COL27A1: variants seen among roughly 807,000 people sequenced by gnomAD.
COL27A1 encodes collagen alpha-1(XXVII) chain.
Under a neutral mutation model 251.3 loss-of-function variants are expected in COL27A1, and 106 were observed. The observed-to-expected ratio is 0.42, with a 90% CI of 0.36 to 0.50. The LOEUF (loss-of-function observed/expected upper bound fraction) is 0.50, where lower values mean the gene tolerates loss of function less well. Ranked by LOEUF, COL27A1 falls within the 20% of genes least tolerant of loss-of-function variation. The pLI is 0.00. For missense variants in COL27A1, 2,325 were observed against 2,522.8 expected (o/e 0.92, Z 1.68); for synonymous variants, 1,000 against 986.3 (o/e 1.01, Z -0.26).
chr9:114,163,626 C>T lies in COL27A1; in HGVS notation c.133+841C>T, dbSNP rs547105408. ...CCTCTGAAAATAGCTGCCCTTCCCC[C>T]GCCTTCACGCCCAGCCCGTGTGCTG... is the stretch of plus-strand genomic sequence containing the variant. On this transcript the variant is annotated intron_variant, in intron 2 of 60. Coordinates refer to ENST00000356083, the MANE Select transcript of COL27A1 (RefSeq NM_032888.4). Among the ~76,000 whole-genome samples the T allele has an allele frequency of 1.2e-3, 190 of 152,336 alleles. 1 individual carries two copies. The highest frequency in any genetic ancestry group is 0.01 in the Middle Eastern group (3 of 294).
chr9:114,163,945 A>G (rs1446397537), intron 2 of COL27A1, among the ~76,000 whole-genome samples: 2 of 151,868 alleles, frequency 1.3e-5, no homozygotes, highest in African/African-American at 4.8e-5. Flanking sequence ...GGCTCCTTCT[A>G]TCTTGGCGTT....
At chr9:114,175,420 GA>G (rs1277114268) in intron 3 of COL27A1, among the ~76,000 whole-genome samples, 1 of 152,260 alleles carries the variant, frequency 6.6e-6, no homozygotes, top group African/African-American at 2.4e-5. Context: ...GATCAGGGGA[GA>G]GGGGCCAGGG....
chr9:114,212,866 T>G (rs1432146664), intron 12 of COL27A1, among the ~76,000 whole-genome samples: 1 of 152,242 alleles, frequency 6.6e-6, no homozygotes, highest in African/African-American at 2.4e-5. Flanking sequence ...TCACCTTTGC[T>G]GGGTCTGGTT....
intron 3 of COL27A1, among the ~76,000 whole-genome samples, chr9:114,178,023 A>C (rs1693992602): frequency 6.6e-6 from 1 of 152,212 alleles, no homozygotes; most frequent in African/African-American, 2.4e-5. Flanking sequence ...GACTTTGTCC[A>C]ACTTGGGGAA....
chr9:114,232,795 G>A (rs913776615), intron 16 of COL27A1, among the ~76,000 whole-genome samples: 4 of 152,176 alleles, frequency 2.6e-5, no homozygotes, highest in African/African-American at 4.8e-5. Context: ...TGCTTGGGCC[G>A]GGCACAGTGG....
At chr9:114,301,051 G>A (rs1334318884) in intron 51 of COL27A1, 21 bp from the exon 52 acceptor site, 4 of 1,591,192 alleles carry the variant, frequency 2.5e-6, no homozygotes, top group East Asian at 2.2e-5. Flanking sequence ...AAGGACACAT[G>A]AGCCTTTCTG....
intron 55 of COL27A1, 92 bp from the exon 56 acceptor site, chr9:114,301,990 A>T: frequency 6.2e-6 from 8 of 1,288,978 alleles, no homozygotes; most frequent in Non-Finnish European, 9.0e-6. Context: ...CAGGTCCTGC[A>T]TGCTTTGATG....
rs181635219 is a variant in COL27A1, at chr9:114,292,130, G to T, written c.4504G>T (p.Gly1502Cys). 6.4e-7 allele frequency: 1 copy of T among 1,559,704 alleles called. No individual in the cohort carries two copies. The highest frequency in any genetic ancestry group is 2.4e-5 in the East Asian group (1 of 41,578). The change falls in exon 49 of 61, where the codon GGT (glycine) becomes TGT (cysteine). Residue 1502 changes from glycine to cysteine, a missense_variant. Physicochemically the swap from Gly to Cys is radical, Grantham distance 159. Around this residue, in one of 4 missense-constraint regions of COL27A1, gnomAD observed 153 missense variants for 140.7 expected, o/e 1.09. Coordinates refer to ENST00000356083, the MANE Select transcript of COL27A1 (RefSeq NM_032888.4). ...TGAGAGTGGGTTACCCGGACAGCTG[G>T]GTCCCCCTGGCAAGCGAGGAACAGA... ...KGESGLPGQL[G>C]PPGKRGTEGR...
At chr9:114,210,888 T>G (rs1430916569) in intron 11 of COL27A1, 94 bp from the exon 12 acceptor site, 1 of 1,306,158 alleles carries the variant, frequency 7.7e-7, no homozygotes, top group African/African-American at 1.5e-5. Flanking sequence ...CCTCTGTGAC[T>G]TCCTGCCGTG....
intron 49 of COL27A1, among the ~76,000 whole-genome samples, chr9:114,294,130 C>T (rs1376496255): frequency 1.3e-5 from 2 of 151,104 alleles, no homozygotes; most frequent in Admixed American, 6.6e-5. Context: ...CACCTGTAAT[C>T]CCAGCTACTC....
intron 60 of COL27A1, 84 bp downstream of exon 60, chr9:114,309,562 G>T: frequency 2.0e-6 from 2 of 977,448 alleles, no homozygotes; most frequent in South Asian, 1.6e-5. Flanking sequence ...TCTATTATAA[G>T]ATTATATCTA....
At chr9:114,298,165 CA>C (rs1348879594) in intron 49 of COL27A1, among the ~76,000 whole-genome samples, 7 of 150,064 alleles carry the variant, frequency 4.7e-5, no homozygotes, top group Non-Finnish European at 7.4e-5. Flanking sequence ...AAGATATGTT[CA>C]GTGAAAATTT....
chr9:114,159,646 G>T (rs1564406392), intron 1 of COL27A1, among the ~76,000 whole-genome samples: 1 of 152,182 alleles, frequency 6.6e-6, no homozygotes, highest in South Asian at 2.1e-4. Context: ...GGATTTCTCC[G>T]AGCCTTTGAT....
chr9:114,287,566 C>T (rs991242630), intron 41 of COL27A1, among the ~76,000 whole-genome samples: 6 of 152,150 alleles, frequency 3.9e-5, no homozygotes, highest in South Asian at 2.1e-4. Flanking sequence ...CTATTGTTAC[C>T]GGCTACGGCA....
chr9:114,231,792 T>A, intron 15 of COL27A1, 30 bp from the exon 16 acceptor site: 1 of 1,613,812 alleles, frequency 6.2e-7, no homozygotes, highest in South Asian at 1.1e-5. Context: ...TAGAGTCCCA[T>A]CACAGCTGGC....
chr9:114,309,588 A>T (rs1829307447), intron 60 of COL27A1, 110 bp downstream of exon 60: 1 of 780,464 alleles, frequency 1.3e-6, no homozygotes, highest in African/African-American at 1.8e-5. Flanking sequence ...TTAATAGTAT[A>T]CTATATTAAT....
chr9:114,207,799 C>T (rs1485757033), intron 10 of COL27A1, among the ~76,000 whole-genome samples: 1 of 152,224 alleles, frequency 6.6e-6, no homozygotes. Flanking sequence ...GTCACTGGGC[C>T]TCTCTGAGCC....
upstream of COL27A1, chr9:114,155,442 G>C (rs1247207817): frequency 6.6e-6 from 1 of 152,340 alleles, no homozygotes; most frequent in African/African-American, 2.4e-5. The surrounding 1 kb of genome is among the most constrained non-coding windows in gnomAD (Gnocchi z 5.5). Flanking sequence ...GGGGCAGCAG[G>C]GGGCAGCAGA....
chr9:114,222,237 G>A lies in COL27A1; in HGVS notation c.2436G>A (p.Leu812=), dbSNP rs1831162626. ...TCTATCTGCAGGGAGAACTGGGCCT[G>A]CCAGGCCCCCCTGGAGTCCCCGGCC... ...GLDGNPGELG[L]PGPPGVPGLI... is the part of the protein sequence containing the mutation. Residue 812 remains leucine (L), a synonymous_variant, in exon 14 of 61, where the codon CTG becomes CTA. Transcript: ENST00000356083. The A allele has an allele frequency of 8.7e-6, 14 of 1,613,680 alleles. No individual in the cohort carries two copies. Among genetic ancestry groups the A allele is most frequent in the African/African-American group, 1.3e-5 (1 of 74,934 alleles).
Sources: gnomAD v4.1 joint callset for allele counts (sites outside exome capture counted in the v4.1 genomes callset) on GRCh38, gnomAD v4.1.1 for gene constraint, gnomAD v4.1.1 regional missense constraint, Gnocchi (gnomAD v3.1) non-coding constraint, MANE v1.5 for transcripts, NCBI Gene and HGNC (gene_info 2026-07-23, HGNC 2026-07-21) for gene names.